SEMA4B: variants seen among roughly 807,000 people sequenced by gnomAD.
SEMA4B encodes the protein semaphorin-4B.
SEMA4B carries 55 observed loss-of-function variants against 88.1 expected under a neutral mutation model. The observed-to-expected ratio is 0.62, with a 90% CI of 0.50 to 0.78. The LOEUF is 0.78. Ranked by LOEUF, SEMA4B falls within the 30% of genes least tolerant of loss-of-function variation. The pLI is 0.00. For synonymous variants in SEMA4B, 525 were observed against 473.6 expected (o/e 1.11, Z -1.41); for missense variants, 1,062 against 1,111.9 (o/e 0.96, Z 0.64).
In SEMA4B at chr15:90,201,374, C is replaced by G. The variant is rs1343676347; in HGVS notation, c.-205C>G. 5.6e-6 allele frequency: 7 copies of G among 1,251,520 alleles called. No homozygotes were observed. The highest frequency in any genetic ancestry group is 7.0e-6 in the Non-Finnish European group (7 of 998,516). 77.5% of individuals were successfully genotyped at this position (1,251,520 alleles called of 1,614,324 possible). A position where few individuals can be genotyped will look rare whatever the true frequency, so the allele number is the denominator to read the frequency against. ...CCAAGCCGAGGCTGCGGGGCCGGCG[C>G]CGGCGGGAGGACTGCGGTGCCCCGC... On this transcript the variant is annotated 5_prime_UTR_variant, in exon 1 of 14. Transcript: ENST00000411539.
At chr15:90,189,991 C>T (rs768502045) in intron 1 of SEMA4B, among the ~76,000 whole-genome samples, 5 of 152,182 alleles carry the variant, frequency 3.3e-5, no homozygotes, top group Admixed American at 6.5e-5. Flanking sequence ...AAAGATGAGA[C>T]GGCTAGAGAT....
intron 1 of SEMA4B, among the ~76,000 whole-genome samples, chr15:90,185,367 G>T (rs1960133932): frequency 6.6e-6 from 1 of 152,360 alleles, no homozygotes; most frequent in Non-Finnish European, 1.5e-5. Context: ...TCCTAAACCC[G>T]GGACCTGGTC....
intron 3 of SEMA4B, 191 bp downstream of exon 3, chr15:90,218,020 G>A: frequency 3.6e-6 from 2 of 560,244 alleles, no homozygotes; most frequent in Non-Finnish European, 6.4e-6. Flanking sequence ...TCGACAAGTA[G>A]ATTCACCTGT....
At chr15:90,216,113 C>A (rs770478817) in intron 1 of SEMA4B, among the ~76,000 whole-genome samples, 8 of 151,712 alleles carry the variant, frequency 5.3e-5, no homozygotes, top group Admixed American at 1.3e-4. Flanking sequence ...CTCAGCCTCC[C>A]GAGTAGCTGG....
intron 1 of SEMA4B, among the ~76,000 whole-genome samples, chr15:90,208,000 C>G (rs1299795527): frequency 1.3e-5 from 2 of 152,200 alleles, no homozygotes; most frequent in African/African-American, 4.8e-5. Flanking sequence ...CGCCTATAAT[C>G]CCAGCACTTT....
chr15:90,217,541 G>A lies in SEMA4B; in HGVS notation c.260G>A (p.Arg87Gln), dbSNP rs775977057. Residue 87 changes from arginine (R) to glutamine (Q), a missense_variant, in exon 2 of 14, where the codon CGA (arginine) becomes CAA (glutamine). Coordinates refer to ENST00000411539, the MANE Select transcript of SEMA4B (RefSeq NM_198925.4). ...GGCAGGACCCTGTACGTGGGTGCTC[G>A]AGAGGCCCTCTTTGCACTCAGTAGC... ...RDGRTLYVGA[R>Q]EALFALSSNL... The A allele has an allele frequency of 9.9e-6, 16 of 1,613,942 alleles. No homozygotes were observed. Among genetic ancestry groups the A allele is most frequent in the Admixed American group, 8.3e-5 (5 of 60,018 alleles).
At chr15:90,197,287 G>T (rs1960540700), upstream of SEMA4B, among the ~76,000 whole-genome samples, 1 of 152,086 alleles carries the variant, frequency 6.6e-6, no homozygotes, top group Non-Finnish European at 1.5e-5. Context: ...CTACTCAGGA[G>T]GCTCAGGTGG....
chr15:90,199,243 A>G (rs1268495538), upstream of SEMA4B, among the ~76,000 whole-genome samples: 1 of 152,142 alleles, frequency 6.6e-6, no homozygotes, highest in African/African-American at 2.4e-5. Flanking sequence ...CAAGGAGGAA[A>G]CGGGGAGAAC....
chr15:90,226,169 G>C (rs1271100353), intron 12 of SEMA4B, among the ~76,000 whole-genome samples: 7 of 152,146 alleles, frequency 4.6e-5, no homozygotes, highest in Non-Finnish European at 4.4e-5. Context: ...ATTGGTTTCA[G>C]AATAACCTAT....
intron 1 of SEMA4B, among the ~76,000 whole-genome samples, chr15:90,205,771 G>C (rs1370779202): frequency 1.3e-5 from 2 of 152,194 alleles, no homozygotes; most frequent in Admixed American, 1.3e-4. Context: ...GCCAAGCCTT[G>C]TCAGGCTTAG....
chr15:90,225,785 G>A lies in SEMA4B; in HGVS notation c.1646G>A (p.Ser549Asn). 1.9e-6 allele frequency: 3 copies of A among 1,562,408 alleles called. No homozygotes were observed. The highest frequency in any genetic ancestry group is 1.7e-6 in the Non-Finnish European group (2 of 1,154,840). Residue 549 changes from serine to asparagine, a missense_variant, in exon 12 of 14, where the codon AGC (serine) becomes AAC (asparagine). Physicochemically the swap from Ser to Asn is conservative, Grantham distance 46. Transcript: ENST00000411539. ...CCCTACTGTGCTTGGAGCGGCTCCA[G>A]CTGCAAGCACGTCAGCCTCTACCAG... ...RDPYCAWSGS[S>N]CKHVSLYQPQ...
In SEMA4B at chr15:90,201,662, C is replaced by CCTGCTG. The variant is rs770362220; in HGVS notation, c.93_98dup (p.Leu34_Leu35dup). 3.3e-6 allele frequency: 5 copies of CCTGCTG among 1,516,656 alleles called. No individual in the cohort carries two copies. The highest frequency in any genetic ancestry group is 5.2e-5 in the East Asian group (2 of 38,468). The allele number at this position is 1,516,656 out of a possible 1,614,324, so 93.9% of individuals were successfully genotyped here. ...CGCCTCGGCCACCGCTGCTGCTGCTCCTGCTGCTGCTGCTCCTGCTGCAGC... is the reference window on the plus strand; with the variant it reads ...CGCCTCGGCCACCGCTGCTGCTGCTCCTGCTGCTGCTGCTGCTGCTCCTGCTGCAGC... On this transcript the variant is annotated inframe_insertion, in exon 1 of 14. Coordinates refer to ENST00000411539, the MANE Select transcript of SEMA4B (RefSeq NM_198925.4).
At chr15:90,196,497 CT>C (rs140733048), upstream of SEMA4B, among the ~76,000 whole-genome samples, 4 of 151,034 alleles carry the variant, frequency 2.6e-5, no homozygotes, top group Admixed American at 1.3e-4. Context: ...ATTTCTTCTA[CT>C]TTTTTTTTGA....
In SEMA4B at chr15:90,228,071, A is replaced by G. The variant is rs1301707592; in HGVS notation, c.1942A>G (p.Thr648Ala). 6.2e-7 allele frequency: 1 copy of G among 1,613,480 alleles called. No homozygotes were observed. The highest frequency in any genetic ancestry group is 8.5e-7 in the Non-Finnish European group (1 of 1,179,662). Reference protein sequence around the residue: ...LPTGDLLLVGTQQLGEFQCWS... With the variant: ...LPTGDLLLVGAQQLGEFQCWS... ...CACTGGGGACCTGCTGCTGGTGGGC[A>G]CCCAACAGCTGGGGGAGTTCCAGTG... Residue 648 changes from threonine (T) to alanine (A), a missense_variant, in exon 14 of 14, where the codon ACC becomes GCC. By Grantham distance (58) the Thr-to-Ala change is moderately conservative. Coordinates refer to ENST00000411539, the MANE Select transcript of SEMA4B (RefSeq NM_198925.4).
Position 90,219,817 on chromosome 15 carries a change from A to ATCC in SEMA4B, c.414_416dup (p.Leu139dup). The ATCC allele has an allele frequency of 6.2e-7, 1 of 1,613,490 alleles. No homozygotes were observed. Among genetic ancestry groups the ATCC allele is most frequent in the Non-Finnish European group, 8.5e-7 (1 of 1,179,750 alleles). ...GCGCGACTGTCAAAACTACATCAAGATCCTCCTGCCGCTCAGCGGCAGTCA... is the reference window on the plus strand; with the variant it reads ...GCGCGACTGTCAAAACTACATCAAGATCCTCCTCCTGCCGCTCAGCGGCAGTCA... On this transcript the variant is annotated inframe_insertion, in exon 4 of 14. Transcript: ENST00000411539.
At chr15:90,207,867 C>T (rs1269851143) in intron 1 of SEMA4B, among the ~76,000 whole-genome samples, 2 of 152,188 alleles carry the variant, frequency 1.3e-5, no homozygotes, top group East Asian at 3.9e-4. Flanking sequence ...GAGACTGAGG[C>T]ACACATCTCA....
chr15:90,211,606 T>A (rs1188444043), intron 1 of SEMA4B, among the ~76,000 whole-genome samples: 3 of 152,214 alleles, frequency 2.0e-5, no homozygotes, highest in Non-Finnish European at 4.4e-5. Context: ...TGTCCCAGTT[T>A]CCTGCTGACT....
rs1192639794 is a variant in SEMA4B at position 90,229,641 on chromosome 15, T to A, written c.*998T>A. ...CACTTTATGTCATTTTTTAATAAAG[T>A]CTGAAGAATTACTGTTTAATCCTGG... On this transcript the variant is annotated 3_prime_UTR_variant, in exon 14 of 14. Transcript: ENST00000411539. 1.2e-5 allele frequency: 4 copies of A among 336,708 alleles called. No homozygotes were observed. Among genetic ancestry groups the A allele is most frequent in the Non-Finnish European group, 2.3e-5 (4 of 172,182 alleles). 20.9% of individuals were successfully genotyped at this position (336,708 alleles called of 1,614,324 possible).
chr15:90,201,208 CCCTGCGGCAGCGCCCCGA>C, upstream of SEMA4B: 3 of 607,118 alleles, frequency 4.9e-6, no homozygotes, highest in Non-Finnish European at 6.2e-6. Flanking sequence ...CGGGCTTGGC[CCCTGCGGCAGCGCCCCGA>C]GCTGCCGCCC....
Sources: allele counts gnomAD v4.1 joint callset (sites outside exome capture counted in the v4.1 genomes callset), GRCh38; gene constraint gnomAD v4.1.1; transcripts MANE v1.5; gene names NCBI Gene and HGNC (gene_info 2026-07-23, HGNC 2026-07-21).